Variants in CELA1 observed in about 807,000 individuals in gnomAD.
CELA1 encodes the protein chymotrypsin-like elastase family member 1.
A neutral mutation model predicts 34.8 loss-of-function variants in CELA1; 28 were observed. The observed-to-expected ratio is 0.80, with a 90% CI of 0.60 to 1.10. CELA1 has a LOEUF of 1.10. Ranked by LOEUF, CELA1 falls within the 50% of genes least tolerant of loss-of-function variation. The pLI is 0.00. For missense variants in CELA1, 288 were observed against 327.5 expected, an observed-to-expected ratio of 0.88 and a Z score of 0.93; for synonymous variants, 140 against 129.8, an observed-to-expected ratio of 1.08 and a Z score of -0.53.
At chr12:51,338,935 G>C (rs1946516323) in intron 6 of CELA1, among the ~76,000 whole-genome samples, 2 of 151,574 alleles carry the variant, frequency 1.3e-5, no homozygotes, top group South Asian at 4.2e-4. Context: ...CACAAAGCAA[G>C]ACCCCATCTC....
chr12:51,339,562 T>C (rs1946520697), intron 6 of CELA1, among the ~76,000 whole-genome samples: 1 of 151,724 alleles, frequency 6.6e-6, no homozygotes, highest in East Asian at 1.9e-4. Context: ...AAAAAAAAAA[T>C]CTAGGTAACA....
At chr12:51,339,789 G>T in intron 6 of CELA1, 71 bp downstream of exon 6, 2 of 1,489,522 alleles carry the variant, frequency 1.3e-6, no homozygotes, top group Non-Finnish European at 1.8e-6. Context: ...GAATAGGGAG[G>T]TGAGGAAGAG....
Position 51,328,499 on chromosome 12 carries a change from G to A in CELA1, c.*78C>T, listed in dbSNP as rs1592293995. 1.1e-5 allele frequency: 15 copies of A among 1,381,068 alleles called. No individual in the cohort carries two copies. The highest frequency in any genetic ancestry group is 1.8e-4 in the Middle Eastern group (1 of 5,610). 85.6% of individuals were successfully genotyped at this position (1,381,068 alleles called of 1,614,324 possible). ...CAATGGCTCAATAGTCTTTCAGAAT[G>A]TGTTTTACTTTTTGATCGCAAGTCC... On this transcript the variant is annotated 3_prime_UTR_variant, in exon 8 of 8. Transcript: ENST00000293636.
rs374432771 is a variant in CELA1, at chr12:51,341,300, C to G, written c.407G>C (p.Gly136Ala). The G allele has an allele frequency of 1.2e-6, 2 of 1,614,038 alleles. No homozygotes were observed. Among genetic ancestry groups the G allele is most frequent in the Non-Finnish European group, 1.7e-6 (2 of 1,180,022 alleles). The change falls in exon 5 of 8, where the codon GGA (glycine) becomes GCA (alanine). Residue 136 changes from glycine (G) to alanine (A), a missense_variant. Physicochemically the swap from Gly to Ala is moderately conservative, Grantham distance 60 (BLOSUM62 0). Coordinates refer to ENST00000293636, the MANE Select transcript of CELA1 (RefSeq NM_001971.6). ...YVQLGVLPQE[G>A]AILANNSPCY... ...GGGACTGTTGTTAGCCAGGATGGCT[C>G]CCTCCTGGGGCAGAACACCCAGCTG...
intron 6 of CELA1, among the ~76,000 whole-genome samples, chr12:51,336,393 C>T (rs1008539945): frequency 2.0e-5 from 3 of 152,194 alleles, no homozygotes; most frequent in African/African-American, 7.2e-5. Flanking sequence ...CCTGTAATCC[C>T]AGCACTTTGG....
At chr12:51,328,633 T>C in intron 7 of CELA1, 39 bp from the exon 8 acceptor site, 1 of 1,612,208 alleles carries the variant, frequency 6.2e-7, no homozygotes. Flanking sequence ...CAGTAACTCC[T>C]GCCTACCTCC....
At chr12:51,329,885 T>C (rs2137473673) in intron 6 of CELA1, 52 bp from the exon 7 acceptor site, 1 of 1,519,320 alleles carries the variant, frequency 6.6e-7, no homozygotes, top group African/African-American at 1.4e-5. Context: ...GGGCTTTTGC[T>C]TGCACTCCCC....
chr12:51,345,395 T>C (rs1213601518), intron 2 of CELA1, among the ~76,000 whole-genome samples: 1 of 148,200 alleles, frequency 6.7e-6, no homozygotes, highest in Non-Finnish European at 1.5e-5. Context: ...ATGCTGTACG[T>C]GTGTGTGTGT....
intron 5 of CELA1, among the ~76,000 whole-genome samples, chr12:51,340,442 T>C (rs965704823): frequency 6.9e-6 from 1 of 144,796 alleles, no homozygotes; most frequent in Non-Finnish European, 1.5e-5. Flanking sequence ...CAGGCTGGAG[T>C]GCAATGGAGC....
At chr12:51,336,285 T>C (rs572061619) in intron 6 of CELA1, among the ~76,000 whole-genome samples, 73 of 152,330 alleles carry the variant, frequency 4.8e-4, no homozygotes, top group African/African-American at 1.6e-3. Flanking sequence ...TTCCCTGGAA[T>C]GGGATCTGAT....
chr12:51,339,590 C>T (rs1369484372), intron 6 of CELA1, among the ~76,000 whole-genome samples: 1 of 152,162 alleles, frequency 6.6e-6, no homozygotes, highest in African/African-American at 2.4e-5. Flanking sequence ...AGAACACACA[C>T]ATATACCAAC....
intron 6 of CELA1, among the ~76,000 whole-genome samples, chr12:51,330,873 G>A (rs1055411199): frequency 6.6e-6 from 1 of 151,608 alleles, no homozygotes; most frequent in African/African-American, 2.4e-5. Flanking sequence ...GGGAGGCTGA[G>A]GCAGGAGAAT....
At chr12:51,332,685 C>T (rs1447378371) in intron 6 of CELA1, among the ~76,000 whole-genome samples, 7 of 151,790 alleles carry the variant, frequency 4.6e-5, no homozygotes, top group African/African-American at 1.5e-4. Context: ...GCCAACATAG[C>T]GAAACCCCGA....
At position 51,329,753 on chromosome 12, in the gene CELA1, C is replaced by T. The variant is rs756288078; in HGVS notation, c.690G>A (p.Arg230=). The T allele has an allele frequency of 3.1e-6, 5 of 1,613,968 alleles. No individual in the cohort carries two copies. In the East Asian group the frequency reaches 8.9e-5, roughly 29 times the overall value. ...VHGVTSFVSS[R]GCNVSRKPTV... ...TAGGCTTCCTGGAGACATTACAGCCCCGGCTGGACACAAAGCTGGTCACTC... is the reference window on the plus strand; with the variant it reads ...TAGGCTTCCTGGAGACATTACAGCCTCGGCTGGACACAAAGCTGGTCACTC... Residue 230 remains arginine (R), a synonymous_variant, in exon 7 of 8, where the codon CGG becomes CGA. Coordinates refer to ENST00000293636, the MANE Select transcript of CELA1 (RefSeq NM_001971.6).
intron 6 of CELA1, among the ~76,000 whole-genome samples, chr12:51,338,151 T>C (rs1946511122): frequency 6.6e-6 from 1 of 150,574 alleles, no homozygotes; most frequent in Non-Finnish European, 1.5e-5. Context: ...GGCAGAAGAA[T>C]TGCTTGAACC....
chr12:51,336,494 G>T (rs1946500293), intron 6 of CELA1, among the ~76,000 whole-genome samples: 1 of 152,172 alleles, frequency 6.6e-6, no homozygotes, highest in African/African-American at 2.4e-5. Flanking sequence ...AGGTGTTGTG[G>T]CACATGCCTG....
chr12:51,346,124 C>A (rs1486758606), intron 1 of CELA1, among the ~76,000 whole-genome samples: 11 of 151,996 alleles, frequency 7.2e-5, no homozygotes, highest in Non-Finnish European at 2.9e-5. Flanking sequence ...CTCTCTCAAA[C>A]CACCAGGCTA....
intron 6 of CELA1, among the ~76,000 whole-genome samples, chr12:51,332,624 G>A (rs1946476546): frequency 6.6e-6 from 1 of 152,068 alleles, no homozygotes; most frequent in African/African-American, 2.4e-5. Flanking sequence ...CAGCACTTTG[G>A]GAAGCCGAGG....
chr12:51,328,849 G>A (rs7959814), intron 7 of CELA1, among the ~76,000 whole-genome samples: 34,423 of 152,144 alleles, frequency 0.23, 4,468 homozygotes, highest in Middle Eastern at 0.32. Context: ...GCTCCAGAAT[G>A]TGTTTGAAGG....
Sources: allele counts gnomAD v4.1 joint callset (sites outside exome capture counted in the v4.1 genomes callset), GRCh38; gene constraint gnomAD v4.1.1; transcripts MANE v1.5; gene names NCBI Gene and HGNC (gene_info 2026-07-23, HGNC 2026-07-21).